SCRG1: variants seen among roughly 807,000 people sequenced by gnomAD.
SCRG1 encodes stimulator of chondrogenesis 1.
SCRG1 carries 3 observed loss-of-function variants against 7.7 expected under a neutral mutation model. The observed-to-expected ratio is 0.39, with a 90% confidence interval of 0.18 to 1.01. The LOEUF (loss-of-function observed/expected upper bound fraction) is 1.01, where lower values mean the gene tolerates loss of function less well. Ranked by LOEUF, SCRG1 falls within the 50% of genes least tolerant of loss-of-function variation. SCRG1 has a pLI of 0.36. For missense variants in SCRG1, 110 were observed against 117.2 expected (o/e 0.94, Z 0.28); for synonymous variants, 46 against 41.2 (o/e 1.12, Z -0.44).
the SCRG1 span, among the ~76,000 whole-genome samples, chr4:173,475,010 A>T: frequency 6.8e-6 from 1 of 147,974 alleles, no homozygotes; most frequent in Admixed American, 6.7e-5. Context: ...TGAAAAATCC[A>T]TGTGTGGTGA....
chr4:173,495,149 A>G, the SCRG1 span, among the ~76,000 whole-genome samples: 1 of 152,256 alleles, frequency 6.6e-6, no homozygotes. Flanking sequence ...CTTAGACATT[A>G]CCATTTCTAC....
the SCRG1 span, among the ~76,000 whole-genome samples, chr4:173,466,485 C>A: frequency 1.3e-5 from 2 of 152,116 alleles, no homozygotes; most frequent in African/African-American, 4.8e-5. Context: ...GGATTGAAAC[C>A]TCATACAGAG....
At chr4:173,509,288 G>A in the SCRG1 span, among the ~76,000 whole-genome samples, 6 of 152,156 alleles carry the variant, frequency 3.9e-5, no homozygotes, top group African/African-American at 9.7e-5. This position sits in a 1 kb window ranked among gnomAD's most constrained non-coding sequence, Gnocchi z 5.7. Flanking sequence ...GGGGAGGATG[G>A]GACGCGTGGG....
At chr4:173,412,922 T>A in the SCRG1 span, among the ~76,000 whole-genome samples, 1 of 152,086 alleles carries the variant, frequency 6.6e-6, no homozygotes, top group Middle Eastern at 3.4e-3. Context: ...CTCTTTTGAG[T>A]CCTAAAGGAA....
chr4:173,488,841 G>A, the SCRG1 span, among the ~76,000 whole-genome samples: 1 of 152,156 alleles, frequency 6.6e-6, no homozygotes, highest in Non-Finnish European at 1.5e-5. Flanking sequence ...GGACACTAGG[G>A]AAGCTAGCCT....
upstream of SCRG1, among the ~76,000 whole-genome samples, chr4:173,399,716 G>A: frequency 1.4e-5 from 1 of 69,344 alleles, no homozygotes; most frequent in East Asian, 4.1e-4. Flanking sequence ...CTGTGCCTTA[G>A]AAATAAAAGC....
chr4:173,510,503 A>T, the SCRG1 span, among the ~76,000 whole-genome samples: 1 of 152,120 alleles, frequency 6.6e-6, no homozygotes, highest in African/African-American at 2.4e-5. This position sits in a 1 kb window ranked among gnomAD's most constrained non-coding sequence, Gnocchi z 5.7. Context: ...AGGTAGGCAC[A>T]TCCAGGTAGC....
chr4:173,398,649 T>A (rs77723656), intron 1 of SCRG1, among the ~76,000 whole-genome samples: 3,744 of 152,322 alleles, frequency 0.025, 162 homozygotes, highest in African/African-American at 0.081. Flanking sequence ...CTTTCTTAGA[T>A]GTTGCAGTTA....
the SCRG1 span, chr4:173,419,243 G>T: frequency 4.0e-6 from 2 of 505,170 alleles, no homozygotes; most frequent in East Asian, 7.3e-5. Context: ...AAATTGTTTG[G>T]TTTAGCTCTC....
At chr4:173,433,987 T>C in the SCRG1 span, among the ~76,000 whole-genome samples, 2 of 152,264 alleles carry the variant, frequency 1.3e-5, no homozygotes, top group Admixed American at 1.3e-4. Context: ...GCCTCTTTGC[T>C]TTTTAGCCTT....
At chr4:173,506,849 C>A in the SCRG1 span, among the ~76,000 whole-genome samples, 1 of 152,164 alleles carries the variant, frequency 6.6e-6, no homozygotes, top group South Asian at 2.1e-4. The surrounding 1 kb of genome is among the most constrained non-coding windows in gnomAD (Gnocchi z 5.3). Flanking sequence ...GAGAGTCCGA[C>A]CTCCATCGGT....
the SCRG1 span, among the ~76,000 whole-genome samples, chr4:173,507,150 G>A: frequency 1.3e-5 from 2 of 152,200 alleles, no homozygotes; most frequent in Admixed American, 6.5e-5. This position sits in a 1 kb window ranked among gnomAD's most constrained non-coding sequence, Gnocchi z 4.4. Flanking sequence ...AATTAAGAAG[G>A]CCAGACTCTA....
the SCRG1 span, among the ~76,000 whole-genome samples, chr4:173,466,120 A>G: frequency 2.0e-5 from 3 of 152,188 alleles, no homozygotes; most frequent in Admixed American, 6.5e-5. Context: ...AAAGAAGAAG[A>G]AGAAAAATCC....
At chr4:173,440,064 G>C in the SCRG1 span, among the ~76,000 whole-genome samples, 9 of 152,212 alleles carry the variant, frequency 5.9e-5, no homozygotes, top group East Asian at 1.5e-3. Context: ...TTAGTTTTAT[G>C]GTGTATTTAA....
the SCRG1 span, among the ~76,000 whole-genome samples, chr4:173,514,491 A>G: frequency 6.6e-6 from 1 of 152,158 alleles, no homozygotes; most frequent in Non-Finnish European, 1.5e-5. Context: ...CTCCCTTCCC[A>G]AGGCTTTACC....
the SCRG1 span, among the ~76,000 whole-genome samples, chr4:173,423,045 C>A: frequency 2.0e-5 from 3 of 151,802 alleles, no homozygotes; most frequent in Admixed American, 1.3e-4. Context: ...CGGTGATTCA[C>A]GATTCACCTG....
the SCRG1 span, among the ~76,000 whole-genome samples, chr4:173,497,061 ACACCACTGCACTCCAGC>A: frequency 6.6e-6 from 1 of 152,100 alleles, no homozygotes; most frequent in Non-Finnish European, 1.5e-5. Flanking sequence ...AGCTGAGATC[ACACCACTGCACTCCAGC>A]CTGGGCAACA....
chr4:173,403,239 G>A (rs892607663), upstream of SCRG1: 2 of 152,100 alleles, frequency 1.3e-5, no homozygotes, highest in African/African-American at 4.8e-5. Flanking sequence ...TGTGTAAGAG[G>A]GTGAACTGAT....
At chr4:173,440,373 G>A in the SCRG1 span, among the ~76,000 whole-genome samples, 1 of 152,198 alleles carries the variant, frequency 6.6e-6, no homozygotes, top group Admixed American at 6.5e-5. Context: ...GCTTTGACAT[G>A]GGTTAGTGGG....
Sources: gnomAD v4.1 joint callset for allele counts (sites outside exome capture counted in the v4.1 genomes callset) on GRCh38, gnomAD v4.1.1 for gene constraint, Gnocchi (gnomAD v3.1) non-coding constraint, MANE v1.5 for transcripts, NCBI Gene and HGNC (gene_info 2026-07-23, HGNC 2026-07-21) for gene names.